The following SORBS3 variants were observed in gnomAD, a reference collection of about 807,000 sequenced individuals.
SORBS3 encodes the protein vinexin.
A neutral mutation model predicts 98.0 loss-of-function variants in SORBS3; 69 were observed. The observed-to-expected ratio is 0.70, with a 90% CI of 0.58 to 0.86. The LOEUF (loss-of-function observed/expected upper bound fraction) is 0.86. SORBS3 is among the 40% of genes least tolerant of loss of function. The pLI is 0.00. For missense variants in SORBS3, 954 were observed against 908.5 expected (o/e 1.05, Z -0.64); for synonymous variants, 394 against 355.4 (o/e 1.11, Z -1.22).
At chr8:22,551,052 GA>G (rs1203372861), upstream of SORBS3, among the ~76,000 whole-genome samples, 1 of 152,334 alleles carries the variant, frequency 6.6e-6, no homozygotes, top group East Asian at 1.9e-4. This position sits in a 1 kb window ranked among gnomAD's most constrained non-coding sequence, Gnocchi z 5.8. Flanking sequence ...AGAGCAGCGA[GA>G]ACAGCGGAAA....
At chr8:22,573,992 C>T (rs1446035807) in intron 20 of SORBS3, among the ~76,000 whole-genome samples, 1 of 152,156 alleles carries the variant, frequency 6.6e-6, no homozygotes, top group Admixed American at 6.5e-5. Flanking sequence ...AGGGGCAGGG[C>T]TCTGAAGGTC....
chr8:22,573,713 G>A (rs1840649942), intron 20 of SORBS3, among the ~76,000 whole-genome samples: 1 of 152,242 alleles, frequency 6.6e-6, no homozygotes. Flanking sequence ...AAGGAAGTCA[G>A]GGTGCCAGCC....
chr8:22,564,543 G>A (rs757142444), intron 10 of SORBS3, 22 bp downstream of exon 10: 1 of 1,613,462 alleles, frequency 6.2e-7, no homozygotes, highest in East Asian at 2.2e-5. Flanking sequence ...AGGGTGCTGG[G>A]GACAGCAGCC....
chr8:22,557,032 G>A, intron 4 of SORBS3, 124 bp downstream of exon 4: 1 of 1,114,538 alleles, frequency 9.0e-7, no homozygotes, highest in South Asian at 1.5e-5. Context: ...AGATTAAGCA[G>A]GGGTTCAACC....
At chr8:22,558,551 G>A (rs1840231502) in intron 5 of SORBS3, among the ~76,000 whole-genome samples, 1 of 135,500 alleles carries the variant, frequency 7.4e-6, no homozygotes, top group Non-Finnish European at 1.7e-5. Flanking sequence ...AACTCAAAAT[G>A]CAGCCAACCC....
intron 1 of SORBS3, among the ~76,000 whole-genome samples, chr8:22,545,594 C>T (rs1840007769): frequency 6.6e-6 from 1 of 152,230 alleles, no homozygotes; most frequent in Admixed American, 6.5e-5. Context: ...TTGTCTGAGA[C>T]AGGGTTATGC....
intron 20 of SORBS3, among the ~76,000 whole-genome samples, chr8:22,574,205 T>C (rs1840667768): frequency 6.6e-6 from 1 of 152,178 alleles, no homozygotes; most frequent in East Asian, 1.9e-4. Context: ...CACGAGTTTC[T>C]GTGGGGCTGA....
chr8:22,574,634 T>TG lies in SORBS3; in HGVS notation c.1955-29dup, dbSNP rs1840680924. The TG allele has an allele frequency of 3.1e-6, 5 of 1,606,120 alleles. No individual in the cohort carries two copies. The African/African-American group carries it at 6.7e-5, about 22-fold the overall frequency. On this transcript the variant is annotated intron_variant, in intron 20 of 20. Coordinates refer to ENST00000240123, the MANE Select transcript of SORBS3 (RefSeq NM_005775.5). Reference sequence around the variant, plus strand: ...CCTGCATCCCTGTTAAAGAAGGGAGTGGGGAAAGCTCTTCCTGCCTTTCCT... The same window carrying TG: ...CCTGCATCCCTGTTAAAGAAGGGAGTGGGGGAAAGCTCTTCCTGCCTTTCCT...
rs781281137 is a variant in SORBS3, at chr8:22,575,259, C to A, written c.*531C>A. ...GCAAGGCGGGGGACAGACGCAGCACCTTCTTAGCGATCTAGGCCTGGCAAG... is the reference window on the plus strand; with the variant it reads ...GCAAGGCGGGGGACAGACGCAGCACATTCTTAGCGATCTAGGCCTGGCAAG... On this transcript the variant is annotated 3_prime_UTR_variant, in exon 21 of 21. Coordinates refer to ENST00000240123, the MANE Select transcript of SORBS3 (RefSeq NM_005775.5). 58 of 299,636 alleles carry A rather than the reference C, an allele frequency of 1.9e-4. No individual in the cohort carries two copies. Among genetic ancestry groups the A allele is most frequent in the Non-Finnish European group, 3.2e-4 (49 of 152,278 alleles). 18.6% of individuals were successfully genotyped at this position (299,636 alleles called of 1,614,324 possible). A position where few individuals can be genotyped will look rare whatever the true frequency, so the allele number is the denominator to read the frequency against.
intron 4 of SORBS3, 118 bp downstream of exon 4, chr8:22,557,026 T>G: frequency 1.3e-5 from 15 of 1,150,402 alleles, no homozygotes; most frequent in Non-Finnish European, 1.7e-5. Context: ...CATCCCAGAT[T>G]AAGCAGGGGT....
intron 3 of SORBS3, among the ~76,000 whole-genome samples, chr8:22,555,402 G>C (rs1287126779): frequency 6.6e-6 from 1 of 152,204 alleles, no homozygotes; most frequent in Non-Finnish European, 1.5e-5. Context: ...TCCCAGTCCA[G>C]AGGTCCTGGG....
At chr8:22,570,017 AT>A (rs899313414) in intron 17 of SORBS3, among the ~76,000 whole-genome samples, 17 of 152,198 alleles carry the variant, frequency 1.1e-4, no homozygotes, top group African/African-American at 4.1e-4. Flanking sequence ...GTGTATGCAC[AT>A]ATATATGTAT....
chr8:22,565,746 G>A, intron 11 of SORBS3, 80 bp from the exon 12 acceptor site: 1 of 1,276,602 alleles, frequency 7.8e-7, no homozygotes, highest in African/African-American at 1.6e-5. Flanking sequence ...CCCGAGCCGC[G>A]AACTTTTCCG....
At chr8:22,545,331 AGT>A (rs1222029053) in intron 1 of SORBS3, 1 of 152,270 alleles carries the variant, frequency 6.6e-6, no homozygotes. Flanking sequence ...TCTTATCTTG[AGT>A]GTGAGTAGAG....
Position 22,571,854 on chromosome 8 carries a change from T to TG in SORBS3, c.1847+41dup, listed in dbSNP as rs537010962. Reference sequence around the variant, plus strand: ...CCATCTGAGGGCTCTTGATCAGACGTGGGGGGGGTCACTGGCAGGCAATGC... The same window carrying TG: ...CCATCTGAGGGCTCTTGATCAGACGTGGGGGGGGGTCACTGGCAGGCAATGC... On this transcript the variant is annotated intron_variant, in intron 19 of 20. Coordinates refer to ENST00000240123, the MANE Select transcript of SORBS3 (RefSeq NM_005775.5). The TG allele has an allele frequency of 7.0e-4, 1,029 of 1,461,312 alleles. 1 individual carries two copies. The highest frequency in any genetic ancestry group is 5.0e-3 in the African/African-American group (358 of 71,722). 90.5% of individuals were successfully genotyped at this position (1,461,312 alleles called of 1,614,324 possible).
At chr8:22,574,254 CGG>C (rs1245404429) in intron 20 of SORBS3, among the ~76,000 whole-genome samples, 1 of 152,172 alleles carries the variant, frequency 6.6e-6, no homozygotes, top group East Asian at 1.9e-4. Context: ...TCCTAAGCGT[CGG>C]GGTGCTCTCG....
intron 11 of SORBS3, 83 bp from the exon 12 acceptor site, chr8:22,565,743 C>A: frequency 7.8e-7 from 1 of 1,276,116 alleles, no homozygotes. Context: ...CCTCCCGAGC[C>A]GCGAACTTTT....
chr8:22,564,676 G>A, intron 10 of SORBS3, 155 bp downstream of exon 10: 2 of 1,377,716 alleles, frequency 1.5e-6, no homozygotes, highest in Non-Finnish European at 1.9e-6. Flanking sequence ...CAGGACAGTG[G>A]CTGGCATACA....
Position 22,554,431 on chromosome 8 carries a change from T to G in SORBS3, c.-55-21T>G. ...CAGCCTAGCCTAGCAGGGCTTTCCC[T>G]TCCTTCCTCCTTCCCCACAGAGGAC... is the stretch of plus-strand genomic sequence containing the variant. On this transcript the variant is annotated intron_variant, in intron 1 of 20. Coordinates refer to ENST00000240123, the MANE Select transcript of SORBS3 (RefSeq NM_005775.5). This position sits in a 1 kb window ranked among gnomAD's most constrained non-coding sequence, Gnocchi z 6.5. 2 of 1,557,248 alleles carry G rather than the reference T, an allele frequency of 1.3e-6. No individual in the cohort carries two copies. Among genetic ancestry groups the G allele is most frequent in the Non-Finnish European group, 1.7e-6 (2 of 1,158,806 alleles).
Sources: allele counts gnomAD v4.1 joint callset (sites outside exome capture counted in the v4.1 genomes callset), GRCh38; gene constraint gnomAD v4.1.1; non-coding constraint Gnocchi (gnomAD v3.1); transcripts MANE v1.5; gene names NCBI Gene and HGNC (gene_info 2026-07-23, HGNC 2026-07-21).